Variants in CALN1 observed in about 807,000 individuals in gnomAD.
CALN1 encodes calneuron 1.
Under a neutral mutation model 30.6 loss-of-function variants are expected in CALN1, and 17 were observed. The ratio of observed to expected loss-of-function variants is 0.56; its 90% CI spans 0.38 to 0.83. The LOEUF (loss-of-function observed/expected upper bound fraction) is 0.83, where lower values mean the gene tolerates loss of function less well. Among genes scored for constraint, CALN1 ranks in the 40% least tolerant of loss-of-function variants. The pLI is 0.00. For synonymous variants in CALN1, 156 were observed against 131.4 expected (o/e 1.19, Z -1.28); for missense variants, 291 against 354.9 (o/e 0.82, Z 1.45).
intron 5 of CALN1, among the ~76,000 whole-genome samples, chr7:71,930,612 T>C (rs927188623): frequency 1.3e-5 from 2 of 152,242 alleles, no homozygotes; most frequent in African/African-American, 4.8e-5. Flanking sequence ...TGGTCCCTTG[T>C]GCTTTATGAA....
At chr7:72,132,433 T>G (rs983815499) in intron 3 of CALN1, among the ~76,000 whole-genome samples, 1 of 152,188 alleles carries the variant, frequency 6.6e-6, no homozygotes, top group Non-Finnish European at 1.5e-5. Flanking sequence ...CACACCATCA[T>G]GAAGTCAAAA....
In CALN1 at chr7:72,278,018, G is replaced by GGA. The variant is rs1554348580; in HGVS notation, c.244+666_244+667dup. ...CCTAATCCTCTATTCCGGGGGGGGG[G>GGA]GACTTGTTTTTCCTATTTTTAATTA... On this transcript the variant is annotated intron_variant, in intron 3 of 6. Transcript: ENST00000395275. 4.7e-5 allele frequency among the ~76,000 whole-genome samples: 6 copies of GGA among 127,122 alleles called. 1 individual carries two copies. The highest frequency in any genetic ancestry group is 1.4e-4 in the African/African-American group (5 of 35,826). The allele number at this position is 127,122 out of a possible 152,430, so 83.4% of individuals were successfully genotyped here.
At chr7:72,078,588 A>G (rs975789460) in intron 4 of CALN1, among the ~76,000 whole-genome samples, 1 of 152,160 alleles carries the variant, frequency 6.6e-6, no homozygotes, top group East Asian at 1.9e-4. Context: ...GAGCAACTCT[A>G]CTGCCCAGGA....
At chr7:72,197,136 A>G (rs1323321447) in intron 3 of CALN1, among the ~76,000 whole-genome samples, 2 of 144,170 alleles carry the variant, frequency 1.4e-5, no homozygotes, top group Non-Finnish European at 3.0e-5. Flanking sequence ...TCCTATATTT[A>G]ATTTCCTGTT....
At chr7:72,091,884 A>T (rs1246075004) in intron 4 of CALN1, among the ~76,000 whole-genome samples, 1 of 152,370 alleles carries the variant, frequency 6.6e-6, no homozygotes, top group South Asian at 2.1e-4. Context: ...TGTACGGCCA[A>T]ATATAACATG....
chr7:71,811,644 A>ATATTAGG (rs1185011824), intron 5 of CALN1, among the ~76,000 whole-genome samples: 2 of 146,950 alleles, frequency 1.4e-5, no homozygotes, highest in Non-Finnish European at 3.0e-5. Context: ...CACTCCATTT[A>ATATTAGG]TATTAGGTTT....
At chr7:72,353,212 T>TA (rs1440692953) in intron 2 of CALN1, among the ~76,000 whole-genome samples, 1 of 151,940 alleles carries the variant, frequency 6.6e-6, no homozygotes, top group Non-Finnish European at 1.5e-5. Flanking sequence ...TTTCATAAAA[T>TA]AGAGAGCGGG....
At chr7:72,369,267 CAA>C (rs762941581) in intron 2 of CALN1, among the ~76,000 whole-genome samples, 12 of 146,816 alleles carry the variant, frequency 8.2e-5, no homozygotes, top group South Asian at 2.1e-4. Flanking sequence ...GTACATTACG[CAA>C]AGTGTTATAT....
At chr7:71,806,149 G>A (rs1306732618) in intron 6 of CALN1, among the ~76,000 whole-genome samples, 1 of 151,858 alleles carries the variant, frequency 6.6e-6, no homozygotes, top group Non-Finnish European at 1.5e-5. Flanking sequence ...AACCACCATG[G>A]CACACATTTA....
intron 2 of CALN1, among the ~76,000 whole-genome samples, chr7:72,368,832 T>G (rs1193394795): frequency 6.5e-5 from 8 of 123,480 alleles, no homozygotes; most frequent in African/African-American, 2.4e-4. Context: ...TTTTTTTTTT[T>G]GAGACAGAAT....
intron 3 of CALN1, among the ~76,000 whole-genome samples, chr7:72,189,293 A>C (rs1258894833): frequency 6.6e-6 from 1 of 152,196 alleles, no homozygotes; most frequent in Non-Finnish European, 1.5e-5. Flanking sequence ...TTTCTAAAGT[A>C]ATATCCGTGT....
chr7:72,483,280 C>CTTTTTTTTTTTTT, the CALN1 span, among the ~76,000 whole-genome samples: 758 of 99,722 alleles, frequency 7.6e-3, no homozygotes, highest in Middle Eastern at 0.022. Context: ...TTTTCTTTTT[C>CTTTTTTTTTTTTT]TTTTTTTTTT....
intron 5 of CALN1, among the ~76,000 whole-genome samples, chr7:72,020,544 T>C (rs1800645632): frequency 6.6e-6 from 1 of 152,212 alleles, no homozygotes; most frequent in African/African-American, 2.4e-5. Context: ...GATGTTTTTG[T>C]TCTTGCTTGC....
chr7:72,134,452 T>G (rs1484176234), intron 3 of CALN1, among the ~76,000 whole-genome samples: 3 of 152,208 alleles, frequency 2.0e-5, no homozygotes, highest in Admixed American at 2.0e-4. Flanking sequence ...TATTGCAGGT[T>G]TGGTTCTGGA....
chr7:72,128,595 G>T (rs889738056), intron 3 of CALN1, among the ~76,000 whole-genome samples: 1 of 152,204 alleles, frequency 6.6e-6, no homozygotes, highest in Non-Finnish European at 1.5e-5. Flanking sequence ...AACGGGCCAG[G>T]TGCAGTGGCT....
chr7:72,122,320 G>A (rs1044429813), intron 3 of CALN1, among the ~76,000 whole-genome samples: 4 of 152,110 alleles, frequency 2.6e-5, no homozygotes, highest in Admixed American at 2.6e-4. Context: ...AGATATGCAG[G>A]CCAGAAGAAC....
intron 5 of CALN1, among the ~76,000 whole-genome samples, chr7:71,824,108 A>C (rs1199934318): frequency 6.6e-6 from 1 of 152,134 alleles, no homozygotes; most frequent in Non-Finnish European, 1.5e-5. Flanking sequence ...TATGTTACCC[A>C]GGCTGATCTC....
At chr7:71,791,397 A>G (rs367743166) in intron 6 of CALN1, among the ~76,000 whole-genome samples, 8 of 152,272 alleles carry the variant, frequency 5.3e-5, no homozygotes, top group African/African-American at 1.9e-4. Flanking sequence ...TACATCCTTT[A>G]CAGGAACATT....
chr7:71,932,430 G>T (rs918499103), intron 5 of CALN1, among the ~76,000 whole-genome samples: 2 of 152,074 alleles, frequency 1.3e-5, no homozygotes, highest in Non-Finnish European at 2.9e-5. Flanking sequence ...GCCTCCCAAA[G>T]TGCTGTGGTT....
Sources: allele counts gnomAD v4.1 joint callset (sites outside exome capture counted in the v4.1 genomes callset), GRCh38; gene constraint gnomAD v4.1.1; transcripts MANE v1.5; gene names NCBI Gene and HGNC (gene_info 2026-07-23, HGNC 2026-07-21).